SMC2: variants seen among roughly 807,000 people sequenced by gnomAD.
SMC2 encodes structural maintenance of chromosomes 2, also known as structural maintenance of chromosomes protein 2.
Under a neutral mutation model 142.6 loss-of-function variants are expected in SMC2, and 41 were observed. That is an observed-to-expected ratio of 0.29 (90% CI 0.22 to 0.37). The LOEUF (loss-of-function observed/expected upper bound fraction) is 0.37, where lower values mean the gene tolerates loss of function less well. Ranked by LOEUF, SMC2 falls within the 10% of genes least tolerant of loss-of-function variation. SMC2 has a pLI of 1.00. For missense variants in SMC2, 1,265 were observed against 1,373.7 expected (o/e 0.92, Z 1.25); for synonymous variants, 463 against 457.5 (o/e 1.01, Z -0.15).
chr9:104,134,222 T>G (rs7858559), intron 22 of SMC2, among the ~76,000 whole-genome samples, 193 bp from the exon 23 acceptor site: 8,617 of 152,168 alleles, frequency 0.057, 654 homozygotes, highest in African/African-American at 0.18. Flanking sequence ...TGATTTTGTC[T>G]TATCACTAGC....
rs143680869 is a variant in SMC2, at chr9:104,101,446, A to G, written c.637-514A>G. On this transcript the variant is annotated intron_variant, in intron 7 of 24. Transcript: ENST00000374793. ...AGGTCCTAGACTTCATTTTGCCACA[A>G]TTGCTTTCTAAATCTAACAACATGG... 3.6e-3 allele frequency among the ~76,000 whole-genome samples: 553 copies of G among 152,300 alleles called. 2 individuals are homozygous for G. Among genetic ancestry groups the G allele is most frequent in the African/African-American group, 9.3e-3 (387 of 41,560 alleles).
At chr9:104,136,386 G>T (rs1473225125) in intron 23 of SMC2, among the ~76,000 whole-genome samples, 1 of 152,068 alleles carries the variant, frequency 6.6e-6, no homozygotes, top group South Asian at 2.1e-4. Context: ...CCTGCTGCCT[G>T]TTCATAAAAA....
intron 16 of SMC2, among the ~76,000 whole-genome samples, chr9:104,121,390 G>A (rs953319725): frequency 3.9e-5 from 6 of 152,108 alleles, no homozygotes; most frequent in African/African-American, 1.4e-4. Context: ...CAGCTACTCA[G>A]GAGGCTGAGG....
intron 20 of SMC2, among the ~76,000 whole-genome samples, chr9:104,129,060 C>T (rs1403572738): frequency 1.3e-5 from 2 of 152,076 alleles, no homozygotes; most frequent in African/African-American, 4.8e-5. Context: ...AGGTGCTTTG[C>T]GTATACTTCG....
rs78106388 is a variant in SMC2 at position 104,134,382 on chromosome 9, T to A, written c.3109-33T>A. ...AATTGATTCTTCTTGGAAAGCATCC[T>A]GATGTTTTAACTTTTTTATTTTTTA... On this transcript the variant is annotated intron_variant, in intron 22 of 24. Coordinates refer to ENST00000374793, the MANE Select transcript of SMC2 (RefSeq NM_006444.3). The A allele has an allele frequency of 7.0e-3, 10,671 of 1,517,738 alleles. 59 individuals carry two copies. Among genetic ancestry groups the A allele is most frequent in the East Asian group, 0.018 (794 of 44,126 alleles). The allele number at this position is 1,517,738 out of a possible 1,614,324, so 94.0% of individuals were successfully genotyped here.
rs947156146 is a variant in SMC2 at position 104,113,892 on chromosome 9, C to G, written c.1415-72C>G. On this transcript the variant is annotated intron_variant, in intron 11 of 24. Transcript: ENST00000374793. ...TTGCATGCTTTGGAAATAGTGGTTG[C>G]TAATATTTTCCTTAAAACAGTAGAG... is the stretch of plus-strand genomic sequence containing the variant. 3 of 863,254 alleles carry G rather than the reference C, an allele frequency of 3.5e-6. No individual in the cohort carries two copies. The African/African-American group carries it at 5.3e-5, about 15-fold the overall frequency. The allele number at this position is 863,254 out of a possible 1,614,324, so 53.5% of individuals were successfully genotyped here. A position where few individuals can be genotyped will look rare whatever the true frequency, so the allele number is the denominator to read the frequency against.
At chr9:104,107,096 C>A (rs924955429) in intron 9 of SMC2, among the ~76,000 whole-genome samples, 8 of 152,150 alleles carry the variant, frequency 5.3e-5, no homozygotes, top group Non-Finnish European at 1.2e-4. Context: ...GCCTGCTGGT[C>A]CCTTGGGGTT....
intron 15 of SMC2, among the ~76,000 whole-genome samples, chr9:104,119,540 A>G (rs1833501852): frequency 6.6e-6 from 1 of 152,174 alleles, no homozygotes; most frequent in Admixed American, 6.5e-5. Context: ...TGTTTATGCT[A>G]CATCTGCTGC....
At chr9:104,098,196 G>T (rs1477331643) in intron 3 of SMC2, among the ~76,000 whole-genome samples, 1 of 152,198 alleles carries the variant, frequency 6.6e-6, no homozygotes, top group Non-Finnish European at 1.5e-5. Flanking sequence ...ACCTAGTCTG[G>T]TGCAGGCCAG....
chr9:104,099,954 T>C (rs1830924822), intron 5 of SMC2, 139 bp from the exon 6 acceptor site: 1 of 638,218 alleles, frequency 1.6e-6, no homozygotes, highest in East Asian at 2.9e-5. Context: ...GAAATTACTA[T>C]ATTTAACCTA....
At chr9:104,112,766 G>A (rs966391440) in intron 10 of SMC2, among the ~76,000 whole-genome samples, 20 of 152,122 alleles carry the variant, frequency 1.3e-4, no homozygotes, top group African/African-American at 4.8e-4. Context: ...GTGTTCAAGT[G>A]TATAAATTCT....
At chr9:104,095,756 C>T (rs112658186) in intron 2 of SMC2, among the ~76,000 whole-genome samples, 7,642 of 152,296 alleles carry the variant, frequency 0.05, 638 homozygotes, top group African/African-American at 0.17. Context: ...AACAGTGCCT[C>T]AAAACTCAGG....
intron 23 of SMC2, chr9:104,135,904 G>C (rs796847267): frequency 1.9e-6 from 1 of 518,712 alleles, no homozygotes; most frequent in Non-Finnish European, 3.8e-6. Context: ...GTTAAAGGAA[G>C]TTCTCAGGCA....
At position 104,111,660 on chromosome 9, in the gene SMC2, A is replaced by T; in HGVS notation, c.1100A>T (p.Asn367Ile). The change falls in exon 10 of 25, where the codon AAT becomes ATT. Residue 367 changes from asparagine to isoleucine, a missense_variant. Coordinates refer to ENST00000374793, the MANE Select transcript of SMC2 (RefSeq NM_006444.3). ...DGLHALQEAS[N>I]KDAEALAAAQ... ...CTGCATGCCCTTCAAGAAGCAAGTA[A>T]TAAAGATGCTGAAGCTCTGGCAGCT... is the stretch of plus-strand genomic sequence containing the variant. 6.2e-7 allele frequency: 1 copy of T among 1,614,096 alleles called. No homozygotes were observed. Among genetic ancestry groups the T allele is most frequent in the Non-Finnish European group, 8.5e-7 (1 of 1,179,926 alleles).
In SMC2 at chr9:104,120,487, T is replaced by C. The variant is rs572739520; in HGVS notation, c.2132+325T>C. Among the ~76,000 whole-genome samples, 32 of 152,344 alleles carry C rather than the reference T, an allele frequency of 2.1e-4. No homozygotes were observed. The South Asian group carries it at 3.1e-3, about 15-fold the overall frequency. ...AACCCTTCGACACTCTGGCGTCTGA[T>C]ACCAGAGGATACTTGATTTCTTGAT... On this transcript the variant is annotated intron_variant, in intron 16 of 24. Coordinates refer to ENST00000374793, the MANE Select transcript of SMC2 (RefSeq NM_006444.3).
At chr9:104,106,484 C>G (rs937262624) in intron 9 of SMC2, among the ~76,000 whole-genome samples, 4 of 152,098 alleles carry the variant, frequency 2.6e-5, no homozygotes, top group East Asian at 1.9e-4. Context: ...CACTCCACCC[C>G]CCGGGCTGAA....
Position 104,095,349 on chromosome 9 carries a change from C to T in SMC2, c.-36C>T, listed in dbSNP as rs370926557. 1 of 1,581,398 alleles carries T rather than the reference C, an allele frequency of 6.3e-7. No individual in the cohort carries two copies. Among genetic ancestry groups the T allele is most frequent in the Non-Finnish European group, 8.6e-7 (1 of 1,156,680 alleles). ...AACTGGTTTGTGGCCTGTTTGATTC[C>T]TGTCAGAGGTTTGCTGACCCAAGAC... On this transcript the variant is annotated 5_prime_UTR_variant, in exon 2 of 25. Coordinates refer to ENST00000374793, the MANE Select transcript of SMC2 (RefSeq NM_006444.3).
intron 9 of SMC2, among the ~76,000 whole-genome samples, chr9:104,107,878 T>C (rs1035006051): frequency 3.9e-5 from 6 of 152,188 alleles, no homozygotes; most frequent in African/African-American, 1.4e-4. Context: ...AGTACTGCTT[T>C]CGCTGAGTAA....
chr9:104,099,921 A>G (rs1830921049), intron 5 of SMC2, among the ~76,000 whole-genome samples, 172 bp from the exon 6 acceptor site: 1 of 152,096 alleles, frequency 6.6e-6, no homozygotes. Flanking sequence ...CTACAGAAAA[A>G]GCCTACAGGA....
Sources: allele counts gnomAD v4.1 joint callset (sites outside exome capture counted in the v4.1 genomes callset), GRCh38; gene constraint gnomAD v4.1.1; transcripts MANE v1.5; gene names NCBI Gene and HGNC (gene_info 2026-07-23, HGNC 2026-07-21).